The following MAML3 variants were observed in gnomAD, a reference collection of about 807,000 sequenced individuals.
MAML3 encodes the protein mastermind-like protein 3.
MAML3 carries 27 observed loss-of-function variants against 101.9 expected under a neutral mutation model. The observed-to-expected ratio is 0.27, with a 90% CI of 0.20 to 0.37. The LOEUF is 0.37. Ranked by LOEUF, MAML3 falls within the 10% of genes least tolerant of loss-of-function variation. The probability of loss-of-function intolerance (pLI) is 1.00; values close to 1 mark genes in which losing one functional copy is unlikely to be tolerated. For missense variants in MAML3, 1,316 were observed against 1,444.9 expected (o/e 0.91, Z 1.45); for synonymous variants, 501 against 555.9 (o/e 0.90, Z 1.39).
At chr4:139,996,635 A>G (rs557287123) in intron 1 of MAML3, among the ~76,000 whole-genome samples, 69 of 151,862 alleles carry the variant, frequency 4.5e-4, no homozygotes, top group African/African-American at 1.6e-3. Context: ...CTTTTATACT[A>G]ATATGTTTTG....
chr4:140,032,119 C>G (rs1197694477), intron 1 of MAML3, among the ~76,000 whole-genome samples: 2 of 152,258 alleles, frequency 1.3e-5, no homozygotes, highest in East Asian at 3.9e-4. Flanking sequence ...ATTTTCCCAC[C>G]CACTAAACAG....
At chr4:139,818,197 C>A (rs1192805653) in intron 2 of MAML3, among the ~76,000 whole-genome samples, 2 of 152,200 alleles carry the variant, frequency 1.3e-5, no homozygotes, top group Non-Finnish European at 2.9e-5. Flanking sequence ...TTTTCCGGAT[C>A]TCTGAGAAAC....
chr4:139,850,298 G>A (rs763735473), intron 2 of MAML3, among the ~76,000 whole-genome samples: 2 of 152,114 alleles, frequency 1.3e-5, no homozygotes, highest in African/African-American at 2.4e-5. Context: ...AGCACTCCTC[G>A]TTCATCCAGT....
chr4:140,033,982 G>A (rs1175854901), intron 1 of MAML3, among the ~76,000 whole-genome samples: 1 of 152,178 alleles, frequency 6.6e-6, no homozygotes, highest in Non-Finnish European at 1.5e-5. Flanking sequence ...TAACCACCCT[G>A]CAATGGGTCT....
chr4:139,956,554 T>A (rs1733920986), intron 1 of MAML3, among the ~76,000 whole-genome samples: 1 of 152,006 alleles, frequency 6.6e-6, no homozygotes, highest in Non-Finnish European at 1.5e-5. Context: ...AAAAATAGAG[T>A]CCCCGAATGA....
intron 1 of MAML3, among the ~76,000 whole-genome samples, chr4:139,893,976 GA>G: frequency 6.6e-6 from 1 of 152,164 alleles, no homozygotes; most frequent in Non-Finnish European, 1.5e-5. Flanking sequence ...GGGTAGGAGA[GA>G]AAAGGCTTAG....
chr4:139,995,287 A>G (rs923852724), intron 1 of MAML3, among the ~76,000 whole-genome samples: 8 of 152,152 alleles, frequency 5.3e-5, no homozygotes, highest in Non-Finnish European at 5.9e-5. Context: ...ATATTTCAGG[A>G]TTCAATTTGC....
intron 1 of MAML3, among the ~76,000 whole-genome samples, chr4:139,946,925 ACT>A (rs869076388): frequency 0.048 from 3,271 of 67,842 alleles, 51 homozygotes; most frequent in Middle Eastern, 0.072. Context: ...ACACACACAC[ACT>A]CTCTCTCTCT....
rs748009799 is a variant in MAML3, at chr4:139,730,614, C to A, written c.2133G>T (p.Val711=). The A allele has an allele frequency of 1.2e-6, 2 of 1,612,776 alleles. No homozygotes were observed. Among genetic ancestry groups the A allele is most frequent in the South Asian group, 2.2e-5 (2 of 90,548 alleles). Residue 711 remains valine, a synonymous_variant, in exon 3 of 5, where the codon GTG becomes GTT. Coordinates refer to ENST00000509479, the MANE Select transcript of MAML3 (RefSeq NM_018717.5). ...AGACCATGCCACCTGAGCCTGGGGG[C>A]ACGGAGGACTGCATGGGGCCTGTGG... ...PRTTGPMQSS[V]PPGSGGMVSG...
rs1159858795 is a variant in MAML3, at chr4:139,717,846, G to A, written c.*1477C>T. 1 of 152,318 alleles carries A rather than the reference G, an allele frequency of 6.6e-6. No homozygotes were observed. The highest frequency in any genetic ancestry group is 6.5e-5 in the Admixed American group (1 of 15,288). The allele number at this position is 152,318 out of a possible 1,614,324, so 9.4% of individuals were successfully genotyped here. ...TCCTCCAAAAGGGGGATTGGGAGGG[G>A]AGGCAAGGAGCCTTGTTGATTCCTT... On this transcript the variant is annotated 3_prime_UTR_variant, in exon 5 of 5. Coordinates refer to ENST00000509479, the MANE Select transcript of MAML3 (RefSeq NM_018717.5).
intron 1 of MAML3, among the ~76,000 whole-genome samples, chr4:140,062,599 C>A (rs1456915850): frequency 6.6e-6 from 1 of 152,196 alleles, no homozygotes; most frequent in Non-Finnish European, 1.5e-5. Context: ...TTTCTGCCCA[C>A]CAGGTAGCTG....
At chr4:139,819,410 G>C (rs373464553) in intron 2 of MAML3, among the ~76,000 whole-genome samples, 4 of 152,324 alleles carry the variant, frequency 2.6e-5, no homozygotes, top group South Asian at 4.1e-4. Context: ...TAAGAGGCTA[G>C]TATTTTGTTC....
At chr4:139,823,642 G>A (rs1236972357) in intron 2 of MAML3, among the ~76,000 whole-genome samples, 3 of 151,916 alleles carry the variant, frequency 2.0e-5, no homozygotes, top group South Asian at 4.2e-4. Flanking sequence ...TCATCATTCC[G>A]CCTTCCCTCA....
intron 1 of MAML3, among the ~76,000 whole-genome samples, chr4:140,119,496 ACTT>A (rs1255817215): frequency 3.9e-5 from 6 of 152,022 alleles, no homozygotes; most frequent in African/African-American, 7.3e-5. Flanking sequence ...GTCATTACAG[ACTT>A]CTTCTATCGT....
intron 1 of MAML3, among the ~76,000 whole-genome samples, chr4:140,146,306 G>A (rs1217809293): frequency 1.3e-5 from 2 of 152,060 alleles, no homozygotes; most frequent in African/African-American, 4.8e-5. Flanking sequence ...TGTCCCAAAT[G>A]GAGAAAGGAA....
At position 139,719,707 on chromosome 4, in the gene MAML3, C is replaced by A; in HGVS notation, c.3033G>T (p.Val1011=). The A allele has an allele frequency of 6.2e-7, 1 of 1,613,668 alleles. No homozygotes were observed. The highest frequency in any genetic ancestry group is 1.1e-5 in the South Asian group (1 of 91,022). Residue 1011 remains valine (V), a synonymous_variant, in exon 5 of 5, where the codon GTG becomes GTT. Transcript: ENST00000509479. The stretch of plus-strand genomic sequence containing the variant: ...TCCTCACTGTGCCCGTGTTAGCATC[C>A]ACGACTGACTGGCTCAGTCCCTGTG... The part of the protein sequence containing the change: ...HFPQGLSQSV[V]DANTGTVRTL...
Position 140,153,133 on chromosome 4 carries a change from C to T in MAML3, c.195G>A (p.Ala65=), listed in dbSNP as rs1420912321. The change falls in exon 1 of 5, where the codon GCG becomes GCA. Residue 65 remains alanine, a synonymous_variant. Coordinates refer to ENST00000509479, the MANE Select transcript of MAML3 (RefSeq NM_018717.5). Reference sequence around the variant, plus strand: ...CCACGGTGCTGTGCTTGGGAACGGCCGCCGAACCGCCGCCGGGGCCCCCGG... The same window carrying T: ...CCACGGTGCTGTGCTTGGGAACGGCTGCCGAACCGCCGCCGGGGCCCCCGG... ...GGSGGPGGGS[A]AVPKHSTVVE... 6.5e-7 allele frequency: 1 copy of T among 1,550,066 alleles called. No homozygotes were observed. Among genetic ancestry groups the T allele is most frequent in the Non-Finnish European group, 8.7e-7 (1 of 1,146,724 alleles).
intron 2 of MAML3, among the ~76,000 whole-genome samples, chr4:139,784,552 G>A (rs570090206): frequency 6.6e-6 from 1 of 152,236 alleles, no homozygotes; most frequent in South Asian, 2.1e-4. Context: ...TCCTGCATGA[G>A]TGCTGATGTT....
chr4:139,874,463 T>C (rs1249664408), intron 2 of MAML3, among the ~76,000 whole-genome samples: 2 of 152,178 alleles, frequency 1.3e-5, no homozygotes, highest in Non-Finnish European at 2.9e-5. Context: ...AATACACTTT[T>C]ACCATTTTGT....
Sources: gnomAD v4.1 joint callset for allele counts (sites outside exome capture counted in the v4.1 genomes callset) on GRCh38, gnomAD v4.1.1 for gene constraint, MANE v1.5 for transcripts, NCBI Gene and HGNC (gene_info 2026-07-23, HGNC 2026-07-21) for gene names.